PTPRZ1: variants seen among roughly 807,000 people sequenced by gnomAD.
The protein encoded by PTPRZ1 is protein tyrosine phosphatase receptor type Z1.
Under a neutral mutation model 214.1 loss-of-function variants are expected in PTPRZ1, and 82 were observed. The observed-to-expected ratio is 0.38, with a 90% CI of 0.32 to 0.46. The LOEUF is 0.46. Among genes scored for constraint, PTPRZ1 ranks in the 20% least tolerant of loss-of-function variants. The probability of loss-of-function intolerance (pLI) is 1.00; values close to 1 mark genes in which losing one functional copy is unlikely to be tolerated. For missense variants in PTPRZ1, 2,603 were observed against 2,748.7 expected (o/e 0.95, Z 1.19); for synonymous variants, 945 against 987.9 (o/e 0.96, Z 0.81).
In PTPRZ1 at chr7:121,998,136, T is replaced by C. The variant is rs528991277; in HGVS notation, c.1240+130T>C. 2.4e-5 allele frequency: 26 copies of C among 1,094,976 alleles called. 1 individual carries two copies. The African/African-American group carries it at 3.8e-4, about 16-fold the overall frequency. 67.8% of individuals were successfully genotyped at this position (1,094,976 alleles called of 1,614,324 possible). A position where few individuals can be genotyped will look rare whatever the true frequency, so the allele number is the denominator to read the frequency against. On this transcript the variant is annotated intron_variant, in intron 10 of 29. Coordinates refer to ENST00000393386, the MANE Select transcript of PTPRZ1 (RefSeq NM_002851.3). ...AAGTGATTTTCTCTTAAGTCTGGAT[T>C]GCCGGGTAATTTTTTGGGGCATGGG...
Position 122,040,930 on chromosome 7 carries a change from G to A in PTPRZ1, c.5752G>A (p.Ala1918Thr). ...SLPVLTFVRK[A>T]AYAKRHAVGP... Reference sequence around the variant, plus strand: ...GCCAGTGCTGACCTTTGTGAGAAAGGCAGCCTATGCCAAGCGCCATGCAGT... The same window carrying A: ...GCCAGTGCTGACCTTTGTGAGAAAGACAGCCTATGCCAAGCGCCATGCAGT... Residue 1918 changes from alanine to threonine, a missense_variant, in exon 21 of 30, where the codon GCA becomes ACA. Coordinates refer to ENST00000393386, the MANE Select transcript of PTPRZ1 (RefSeq NM_002851.3). 2 of 1,600,916 alleles carry A rather than the reference G, an allele frequency of 1.2e-6. No homozygotes were observed. The highest frequency in any genetic ancestry group is 1.7e-5 in the Admixed American group (1 of 59,510).
intron 1 of PTPRZ1, among the ~76,000 whole-genome samples, chr7:121,877,453 C>CT (rs751929278): frequency 2.6e-5 from 4 of 152,028 alleles, no homozygotes; most frequent in Non-Finnish European, 5.9e-5. Flanking sequence ...CTTTTTTATC[C>CT]TTTTTTGAAA....
At chr7:122,014,107 C>CA (rs1482709676) in intron 12 of PTPRZ1, among the ~76,000 whole-genome samples, 2 of 151,938 alleles carry the variant, frequency 1.3e-5, no homozygotes, top group African/African-American at 4.8e-5. Flanking sequence ...TAATTCTCTC[C>CA]AAAATAGACA....
At chr7:121,986,965 G>T (rs1027826317) in intron 8 of PTPRZ1, among the ~76,000 whole-genome samples, 1 of 152,148 alleles carries the variant, frequency 6.6e-6, no homozygotes. Context: ...TTTATGGAGT[G>T]ATGGGGAGAG....
Position 122,012,765 on chromosome 7 carries a change from C to T in PTPRZ1, c.3719C>T (p.Ser1240Phe). Residue 1240 changes from serine (S) to phenylalanine (F), a missense_variant, in exon 12 of 30, where the codon TCT becomes TTT. By Grantham distance (155) the Ser-to-Phe change is radical (BLOSUM62 -2). Transcript: ENST00000393386. ...ASSENMLHST[S>F]VPVFDVSPTS... ...AGTGAAAACATGCTGCACTCTACAT[C>T]TGTACCAGTTTTTGATGTGTCGCCT... 2 of 1,611,274 alleles carry T rather than the reference C, an allele frequency of 1.2e-6. No individual in the cohort carries two copies. Among genetic ancestry groups the T allele is most frequent in the Non-Finnish European group, 1.7e-6 (2 of 1,177,462 alleles).
At chr7:121,955,310 A>G (rs1796670035) in intron 2 of PTPRZ1, among the ~76,000 whole-genome samples, 1 of 152,218 alleles carries the variant, frequency 6.6e-6, no homozygotes, top group Non-Finnish European at 1.5e-5. Flanking sequence ...CAGTTATTGA[A>G]GAAGGGGGAA....
intron 5 of PTPRZ1, 141 bp downstream of exon 5, chr7:121,976,409 T>C (rs777136356): frequency 3.6e-5 from 20 of 562,180 alleles, no homozygotes; most frequent in Non-Finnish European, 5.7e-5. Context: ...CAAAAAAAGA[T>C]GACCCTTGCC....
intron 2 of PTPRZ1, among the ~76,000 whole-genome samples, chr7:121,929,406 G>A (rs547294863): frequency 3.3e-5 from 5 of 151,126 alleles, no homozygotes; most frequent in Admixed American, 3.3e-4. Flanking sequence ...GTATATTTAA[G>A]CTTCTATAAG....
chr7:121,892,515 A>G (rs1794664966), intron 1 of PTPRZ1, among the ~76,000 whole-genome samples: 1 of 151,540 alleles, frequency 6.6e-6, no homozygotes, highest in Admixed American at 6.6e-5. Context: ...GAGTATTTTA[A>G]TTTTCTCTCC....
chr7:121,986,075 T>G (rs1328110007), intron 8 of PTPRZ1, among the ~76,000 whole-genome samples: 3 of 117,488 alleles, frequency 2.6e-5, no homozygotes, highest in African/African-American at 9.7e-5. Context: ...TCTGATTTAA[T>G]GTAGAACATT....
intron 3 of PTPRZ1, among the ~76,000 whole-genome samples, chr7:121,970,344 A>G (rs886895165): frequency 4.6e-5 from 7 of 152,144 alleles, no homozygotes; most frequent in Admixed American, 4.6e-4. Flanking sequence ...GTCAAATGGT[A>G]TTTCCAGTTC....
intron 13 of PTPRZ1, among the ~76,000 whole-genome samples, chr7:122,025,031 G>T (rs1400359016): frequency 1.3e-5 from 2 of 152,142 alleles, no homozygotes; most frequent in Non-Finnish European, 2.9e-5. Flanking sequence ...AACAACATAT[G>T]ATTGGTGGGA....
chr7:121,889,270 G>C (rs1318977644), intron 1 of PTPRZ1, among the ~76,000 whole-genome samples: 1 of 151,994 alleles, frequency 6.6e-6, no homozygotes, highest in Non-Finnish European at 1.5e-5. Flanking sequence ...ATTTACTTTG[G>C]CTTCTGAAGT....
At chr7:121,879,564 T>C (rs554819032) in intron 1 of PTPRZ1, among the ~76,000 whole-genome samples, 51 of 152,128 alleles carry the variant, frequency 3.4e-4, no homozygotes, top group African/African-American at 1.1e-3. Flanking sequence ...GCTTTTGGAG[T>C]TTGTCAATAG....
chr7:121,989,919 T>C (rs917833703), intron 8 of PTPRZ1, among the ~76,000 whole-genome samples: 4 of 152,212 alleles, frequency 2.6e-5, no homozygotes, highest in African/African-American at 7.2e-5. Context: ...GATCTTTCTC[T>C]GAAATTTTTT....
At position 121,911,326 on chromosome 7, in the gene PTPRZ1, G is replaced by A. The variant is rs568066234; in HGVS notation, c.59-16830G>A. ...ATGACCTGCATGGATTTAAGCTTTCGCATAATTTAAAAATCCATATCTTCA... is the reference window on the plus strand; with the variant it reads ...ATGACCTGCATGGATTTAAGCTTTCACATAATTTAAAAATCCATATCTTCA... On this transcript the variant is annotated intron_variant, in intron 1 of 29. Transcript: ENST00000393386. Among the ~76,000 whole-genome samples the A allele has an allele frequency of 5.7e-4, 87 of 151,826 alleles. 1 individual carries two copies. The South Asian group carries it at 0.015, about 26-fold the overall frequency.
At chr7:121,968,176 TG>T (rs1323690938) in intron 3 of PTPRZ1, 46 bp downstream of exon 3, 4 of 1,494,596 alleles carry the variant, frequency 2.7e-6, no homozygotes, top group Non-Finnish European at 3.6e-6. Context: ...TTTTCAGACC[TG>T]GAGTATGTTT....
At chr7:121,889,100 A>G (rs1794497715) in intron 1 of PTPRZ1, among the ~76,000 whole-genome samples, 1 of 148,448 alleles carries the variant, frequency 6.7e-6, no homozygotes, top group African/African-American at 2.5e-5. Context: ...CTTTCATCCC[A>G]CTTTCAAAAG....
chr7:121,877,926 A>G (rs1219391605), intron 1 of PTPRZ1, among the ~76,000 whole-genome samples: 1 of 151,118 alleles, frequency 6.6e-6, no homozygotes, highest in Non-Finnish European at 1.5e-5. Context: ...ATATAAATGT[A>G]TATATATGCA....
Sources: gnomAD v4.1 joint callset for allele counts (sites outside exome capture counted in the v4.1 genomes callset) on GRCh38, gnomAD v4.1.1 for gene constraint, MANE v1.5 for transcripts, NCBI Gene and HGNC (gene_info 2026-07-23, HGNC 2026-07-21) for gene names.